The following NELL1 variants were observed in gnomAD, a reference collection of about 807,000 sequenced individuals.
The protein encoded by NELL1 is protein kinase C-binding protein NELL1.
Under a neutral mutation model 107.4 loss-of-function variants are expected in NELL1, and 76 were observed. The observed-to-expected ratio is 0.71, with a 90% CI of 0.59 to 0.86. The LOEUF (loss-of-function observed/expected upper bound fraction) is 0.86, where lower values mean the gene tolerates loss of function less well. Among genes scored for constraint, NELL1 ranks in the 40% least tolerant of loss-of-function variants. NELL1 has a pLI of 0.00. For missense variants in NELL1, 1,024 were observed against 1,005.5 expected (o/e 1.02, Z -0.25); for synonymous variants, 353 against 341.2 (o/e 1.03, Z -0.38).
At chr11:21,298,754 T>C (rs1288220431) in intron 14 of NELL1, among the ~76,000 whole-genome samples, 1 of 151,886 alleles carries the variant, frequency 6.6e-6, no homozygotes, top group Non-Finnish European at 1.5e-5. Context: ...GGTCAAAATA[T>C]TTGCATGCCC....
At chr11:21,312,689 T>C (rs1213419225) in intron 14 of NELL1, among the ~76,000 whole-genome samples, 1 of 152,178 alleles carries the variant, frequency 6.6e-6, no homozygotes, top group South Asian at 2.1e-4. Context: ...CACAAGTACA[T>C]GTTCTTGCCC....
intron 15 of NELL1, among the ~76,000 whole-genome samples, chr11:21,499,512 A>G (rs1564926575): frequency 6.6e-6 from 1 of 152,026 alleles, no homozygotes; most frequent in Non-Finnish European, 1.5e-5. Context: ...TTTTCCTCCA[A>G]AGTTTCTTCT....
At chr11:21,412,141 C>G (rs1049959680) in intron 15 of NELL1, among the ~76,000 whole-genome samples, 4 of 151,982 alleles carry the variant, frequency 2.6e-5, no homozygotes, top group African/African-American at 7.2e-5. Context: ...TCTTTGTTTT[C>G]AAAACAGATT....
At position 21,018,008 on chromosome 11, in the gene NELL1, T is replaced by C. The variant is rs1284735984; in HGVS notation, c.1300+57448T>C. 2.0e-5 allele frequency among the ~76,000 whole-genome samples: 3 copies of C among 152,232 alleles called. No individual in the cohort carries two copies. In the South Asian group the frequency reaches 6.2e-4, roughly 32 times the overall value. On this transcript the variant is annotated intron_variant, in intron 12 of 19. Coordinates refer to ENST00000357134, the MANE Select transcript of NELL1 (RefSeq NM_006157.5). Reference sequence around the variant, plus strand: ...GTGTCTTTGCTGTTGCTATTCCATCTGCTGGGGAGAACTTTCTATCTTTCA... The same window carrying C: ...GTGTCTTTGCTGTTGCTATTCCATCCGCTGGGGAGAACTTTCTATCTTTCA...
At chr11:21,279,016 A>G (rs899781989) in intron 14 of NELL1, among the ~76,000 whole-genome samples, 2 of 152,198 alleles carry the variant, frequency 1.3e-5, no homozygotes, top group Non-Finnish European at 2.9e-5. Flanking sequence ...AGCAAACACA[A>G]TATCATGAAG....
chr11:21,351,104 T>A (rs1415214974), intron 14 of NELL1, among the ~76,000 whole-genome samples: 1 of 152,038 alleles, frequency 6.6e-6, no homozygotes. Context: ...GAAAGTCACA[T>A]AAAGATGAAG....
chr11:21,185,447 A>C (rs1451437308), intron 13 of NELL1, among the ~76,000 whole-genome samples: 2 of 151,424 alleles, frequency 1.3e-5, no homozygotes, highest in Non-Finnish European at 2.9e-5. Flanking sequence ...GGTGCCCGCC[A>C]CCACACCCGG....
At chr11:21,446,562 G>A (rs994395171) in intron 15 of NELL1, among the ~76,000 whole-genome samples, 3 of 152,126 alleles carry the variant, frequency 2.0e-5, no homozygotes, top group African/African-American at 7.2e-5. Flanking sequence ...TCTGCATTAG[G>A]GATCACCCCA....
chr11:20,880,622 AC>A (rs1165543868), intron 4 of NELL1, among the ~76,000 whole-genome samples: 1 of 152,192 alleles, frequency 6.6e-6, no homozygotes, highest in African/African-American at 2.4e-5. Flanking sequence ...GGCAACAGTA[AC>A]CTTTCTGTTT....
Position 21,198,739 on chromosome 11 carries a change from G to C in NELL1, c.1427-30593G>C, listed in dbSNP as rs76359045. Among the ~76,000 whole-genome samples, 618 of 152,198 alleles carry C rather than the reference G, an allele frequency of 4.1e-3. 5 individuals carry two copies. The highest frequency in any genetic ancestry group is 7.0e-3 in the Non-Finnish European group (474 of 68,010). On this transcript the variant is annotated intron_variant, in intron 13 of 19. Coordinates refer to ENST00000357134, the MANE Select transcript of NELL1 (RefSeq NM_006157.5). ...CTGTGTGAGATCTGGTGTTGCTTTG[G>C]CATTTGGAAATCAGCATTTATTTTC...
intron 5 of NELL1, among the ~76,000 whole-genome samples, chr11:20,904,802 A>T (rs1448280778): frequency 1.3e-5 from 2 of 150,606 alleles, no homozygotes; most frequent in African/African-American, 4.9e-5. Context: ...CCCTGTCAAA[A>T]TTTTTTTTTA....
chr11:21,369,532 G>C (rs1476540996), intron 14 of NELL1, among the ~76,000 whole-genome samples: 1 of 146,428 alleles, frequency 6.8e-6, no homozygotes, highest in Non-Finnish European at 1.5e-5. Context: ...AAATAATGTG[G>C]AAAACAACAA....
chr11:21,228,632 C>T (rs1351898910), intron 13 of NELL1, among the ~76,000 whole-genome samples: 1 of 150,582 alleles, frequency 6.6e-6, no homozygotes, highest in African/African-American at 2.4e-5. Context: ...CCTCTTTGTT[C>T]TAAAGAAGCC....
At position 21,178,262 on chromosome 11, in the gene NELL1, A is replaced by T. The variant is rs552917436; in HGVS notation, c.1427-51070A>T. ...TTCTTGGCCTCACCTGAGGCTGCTA[A>T]TCACTAAATATTTAATGAGACTTGA... On this transcript the variant is annotated intron_variant, in intron 13 of 19. Coordinates refer to ENST00000357134, the MANE Select transcript of NELL1 (RefSeq NM_006157.5). Among the ~76,000 whole-genome samples, 247 of 151,798 alleles carry T rather than the reference A, an allele frequency of 1.6e-3. 3 individuals carry two copies. Among genetic ancestry groups the T allele is most frequent in the African/African-American group, 5.9e-3 (243 of 41,124 alleles).
rs151254156 is a variant in NELL1 at position 20,875,193 on chromosome 11, T to A, written c.507-10251T>A. ...TTATTTTATTTTATTTTAATTTTTT[T>A]AATATGTATTTCTGTTTACCCTTAG... On this transcript the variant is annotated intron_variant, in intron 4 of 19. Transcript: ENST00000357134. 4.6e-3 allele frequency among the ~76,000 whole-genome samples: 699 copies of A among 152,334 alleles called. 9 individuals carry two copies. The highest frequency in any genetic ancestry group is 0.015 in the African/African-American group (629 of 41,576).
At chr11:21,401,564 G>A (rs1471980084) in intron 15 of NELL1, among the ~76,000 whole-genome samples, 3 of 150,596 alleles carry the variant, frequency 2.0e-5, no homozygotes, top group Non-Finnish European at 4.4e-5. Flanking sequence ...CAAAAATGAG[G>A]CAGGGTTGGT....
At chr11:21,416,918 A>G (rs1852532432) in intron 15 of NELL1, among the ~76,000 whole-genome samples, 1 of 152,094 alleles carries the variant, frequency 6.6e-6, no homozygotes, top group South Asian at 2.1e-4. Flanking sequence ...CAAGTTCATG[A>G]TGATGATTAA....
intron 14 of NELL1, among the ~76,000 whole-genome samples, chr11:21,325,426 A>G (rs1850109193): frequency 6.6e-6 from 1 of 152,070 alleles, no homozygotes; most frequent in African/African-American, 2.4e-5. Context: ...AGGCTACACC[A>G]ATTTAGTTTC....
intron 14 of NELL1, among the ~76,000 whole-genome samples, chr11:21,253,572 C>A (rs555398784): frequency 5.9e-5 from 9 of 152,214 alleles, no homozygotes; most frequent in Non-Finnish European, 7.4e-5. Context: ...GGAATATATT[C>A]TTCTTCCAAT....
Sources: allele counts gnomAD v4.1 joint callset (sites outside exome capture counted in the v4.1 genomes callset), GRCh38; gene constraint gnomAD v4.1.1; transcripts MANE v1.5; gene names NCBI Gene and HGNC (gene_info 2026-07-23, HGNC 2026-07-21).